STARD13: variants seen among roughly 807,000 people sequenced by gnomAD.
STARD13 encodes stAR-related lipid transfer protein 13.
STARD13 carries 62 observed loss-of-function variants against 106.4 expected under a neutral mutation model. That is an observed-to-expected ratio of 0.58 (90% CI 0.48 to 0.72). The LOEUF (loss-of-function observed/expected upper bound fraction) is 0.72, where lower values mean the gene tolerates loss of function less well. STARD13 is among the 30% of genes least tolerant of loss of function. STARD13 has a pLI of 0.00. For missense variants in STARD13, 1,387 were observed against 1,424.0 expected (o/e 0.97, Z 0.42); for synonymous variants, 565 against 553.0 (o/e 1.02, Z -0.31).
At chr13:33,509,203 T>C in the STARD13 span, among the ~76,000 whole-genome samples, 1 of 152,064 alleles carries the variant, frequency 6.6e-6, no homozygotes, top group East Asian at 1.9e-4. Flanking sequence ...AGTAAGACCA[T>C]ATAGGAAAGG....
rs368225953 is a variant in STARD13, at chr13:33,110,703, C to T, written c.2812G>A (p.Asp938Asn). The change falls in exon 11 of 14, where the codon GAT becomes AAT. Residue 938 changes from aspartate to asparagine, a missense_variant. Transcript: ENST00000336934. The stretch of plus-strand genomic sequence containing the variant: ...GAGATTACCTTTTTGAAAGCAAGAT[C>T]TGTATTGTCCGTGCTGGAGCACGTG... ...WVTCSSTDNTDLAFKKVGDGN... is the reference protein window; with the variant it reads ...WVTCSSTDNTNLAFKKVGDGN... 6.2e-7 allele frequency: 1 copy of T among 1,614,012 alleles called. No individual in the cohort carries two copies. Among genetic ancestry groups the T allele is most frequent in the African/African-American group, 1.3e-5 (1 of 74,948 alleles).
In STARD13 at chr13:33,326,449, A is replaced by C. The variant is rs575878392; in HGVS notation, c.124+23841T>G. On this transcript the variant is annotated intron_variant, in intron 1 of 5. Coordinates refer to the STARD13 transcript ENST00000567873. ...AACCAAACACAATACCCTATGTACTAAGTTCCCTGTTTAAAACTATTGTCT... is the reference window on the plus strand; with the variant it reads ...AACCAAACACAATACCCTATGTACTCAGTTCCCTGTTTAAAACTATTGTCT... Among the ~76,000 whole-genome samples the C allele has an allele frequency of 4.6e-5, 7 of 152,344 alleles. No homozygotes were observed. In the East Asian group the frequency reaches 1.4e-3, roughly 29 times the overall value.
the STARD13 span, among the ~76,000 whole-genome samples, chr13:33,506,271 CA>C: frequency 6.6e-6 from 1 of 152,110 alleles, no homozygotes; most frequent in African/African-American, 2.4e-5. Context: ...GATTGAGTTG[CA>C]AGCTGAATCA....
the STARD13 span, among the ~76,000 whole-genome samples, chr13:33,528,257 C>CATATATATGTATATAT: frequency 2.2e-5 from 2 of 92,900 alleles, no homozygotes; most frequent in East Asian, 2.6e-4. Flanking sequence ...TATATATATA[C>CATATATATGTATATAT]ATATATATAT....
At chr13:33,215,172 G>C (rs1358863592) in intron 1 of STARD13, among the ~76,000 whole-genome samples, 1 of 151,100 alleles carries the variant, frequency 6.6e-6, no homozygotes, top group Non-Finnish European at 1.5e-5. Context: ...GCTAGTCTCT[G>C]ACTGGTGGGA....
the STARD13 span, among the ~76,000 whole-genome samples, chr13:33,509,856 T>C: frequency 6.6e-6 from 1 of 152,204 alleles, no homozygotes; most frequent in East Asian, 1.9e-4. Flanking sequence ...GGAACTAAAA[T>C]GTTCTAGCTG....
intron 1 of STARD13, chr13:33,188,167 T>C (rs1885944998): frequency 6.6e-6 from 1 of 152,240 alleles, no homozygotes; most frequent in Non-Finnish European, 1.5e-5. Context: ...CCACAGCAGA[T>C]GTTCCAGTGC....
chr13:33,262,571 C>T (rs1172746973), intron 1 of STARD13, among the ~76,000 whole-genome samples: 1 of 151,638 alleles, frequency 6.6e-6, no homozygotes, highest in African/African-American at 2.4e-5. Context: ...TCCAAAATTA[C>T]AAGTAATTAG....
chr13:33,484,870 T>C, the STARD13 span, among the ~76,000 whole-genome samples: 1 of 152,230 alleles, frequency 6.6e-6, no homozygotes, highest in South Asian at 2.1e-4. Context: ...AGATGATACA[T>C]TAAGTATCTA....
At chr13:33,593,831 T>C in the STARD13 span, among the ~76,000 whole-genome samples, 2 of 152,024 alleles carry the variant, frequency 1.3e-5, no homozygotes, top group Non-Finnish European at 2.9e-5. Flanking sequence ...AGTCCCCATC[T>C]CCCTTACCCA....
At chr13:33,400,897 T>G in the STARD13 span, among the ~76,000 whole-genome samples, 4 of 152,138 alleles carry the variant, frequency 2.6e-5, no homozygotes, top group Non-Finnish European at 5.9e-5. Flanking sequence ...AAAAAAGATC[T>G]ACAAGCTAAA....
chr13:33,499,531 CT>C, the STARD13 span, among the ~76,000 whole-genome samples: 1 of 41,718 alleles, frequency 2.4e-5, no homozygotes, highest in Admixed American at 2.6e-4. Context: ...TCTTCTTCTT[CT>C]TCTTCTTCTT....
the STARD13 span, among the ~76,000 whole-genome samples, chr13:33,656,366 A>G: frequency 3.9e-5 from 6 of 152,264 alleles, no homozygotes; most frequent in Non-Finnish European, 7.3e-5. Context: ...AGAAATATCT[A>G]AAAGTCTTGA....
At chr13:33,527,313 TC>T in the STARD13 span, among the ~76,000 whole-genome samples, 1 of 151,914 alleles carries the variant, frequency 6.6e-6, no homozygotes, top group Non-Finnish European at 1.5e-5. Flanking sequence ...CCAGACCCCT[TC>T]CCCCACACAA....
Position 33,112,870 on chromosome 13 carries a change from C to G in STARD13, c.2343G>C (p.Glu781Asp), listed in dbSNP as rs895141513. The change falls in exon 9 of 14, where the codon GAG becomes GAC. Residue 781 changes from glutamate (E) to aspartate (D), a missense_variant. By Grantham distance (45) the Glu-to-Asp change is conservative. Transcript: ENST00000336934. ...VQAAILLLAD[E>D]NREVLQTLLC... ...AGAGCGTCTGCAGGACCTCCCTGTT[C>G]TCATCGGCCAGTAGCAGGATGGCAG... 2 of 1,613,878 alleles carry G rather than the reference C, an allele frequency of 1.2e-6. No homozygotes were observed. The highest frequency in any genetic ancestry group is 1.7e-5 in the Admixed American group (1 of 60,000).
chr13:33,454,430 C>T, the STARD13 span, among the ~76,000 whole-genome samples: 9 of 152,202 alleles, frequency 5.9e-5, no homozygotes, highest in Non-Finnish European at 5.9e-5. Context: ...ATCCTATCTT[C>T]GTATCTACTC....
the STARD13 span, among the ~76,000 whole-genome samples, chr13:33,573,951 A>G: frequency 6.6e-6 from 1 of 152,190 alleles, no homozygotes; most frequent in Non-Finnish European, 1.5e-5. Context: ...ATAACACATA[A>G]AACTGTGATT....
the STARD13 span, among the ~76,000 whole-genome samples, chr13:33,494,172 C>A: frequency 6.6e-6 from 1 of 152,164 alleles, no homozygotes; most frequent in Non-Finnish European, 1.5e-5. Flanking sequence ...TTGAATGCCA[C>A]CTTCTCAGTG....
the STARD13 span, among the ~76,000 whole-genome samples, chr13:33,613,480 G>T: frequency 6.6e-6 from 1 of 152,216 alleles, no homozygotes; most frequent in Non-Finnish European, 1.5e-5. Context: ...GAGGAATGGG[G>T]AAATGGAAGA....
Sources: allele counts gnomAD v4.1 joint callset (sites outside exome capture counted in the v4.1 genomes callset), GRCh38; gene constraint gnomAD v4.1.1; transcripts MANE v1.5; gene names NCBI Gene and HGNC (gene_info 2026-07-23, HGNC 2026-07-21).